Variants in PDE7A observed in about 807,000 individuals in gnomAD.
PDE7A encodes phosphodiesterase 7A.
A neutral mutation model predicts 64.3 loss-of-function variants in PDE7A; 39 were observed. The ratio of observed to expected loss-of-function variants is 0.61; its 90% confidence interval spans 0.47 to 0.79. The LOEUF is 0.79. Ranked by LOEUF, PDE7A falls within the 30% of genes least tolerant of loss-of-function variation. PDE7A has a pLI of 0.00. For missense variants in PDE7A, 470 were observed against 582.8 expected (o/e 0.81, Z 1.99); for synonymous variants, 203 against 206.8 (o/e 0.98, Z 0.16).
In PDE7A at chr8:65,798,208, T is replaced by A. The variant is rs528578385; in HGVS notation, c.139-15365A>T. Among the ~76,000 whole-genome samples the A allele has an allele frequency of 2.7e-3, 286 of 106,466 alleles. 1 individual carries two copies. The highest frequency in any genetic ancestry group is 4.6e-3 in the Middle Eastern group (1 of 218). 69.8% of individuals were successfully genotyped at this position (106,466 alleles called of 152,430 possible). A position where few individuals can be genotyped will look rare whatever the true frequency, so the allele number is the denominator to read the frequency against. On this transcript the variant is annotated intron_variant, in intron 1 of 12. Transcript: ENST00000401827. ...TATATATATATATATATATATATAT[T>A]TTTTTTTTTTTGAGATGGAGTCTCG...
chr8:65,818,614 G>A (rs1810470069), intron 1 of PDE7A, among the ~76,000 whole-genome samples: 1 of 152,274 alleles, frequency 6.6e-6, no homozygotes, highest in Non-Finnish European at 1.5e-5. Flanking sequence ...TCAAAGTTCA[G>A]CCTGTTTTCA....
rs186543460 is a variant in PDE7A at position 65,761,015 on chromosome 8, C to A, written c.284-13212G>T. 8.3e-4 allele frequency among the ~76,000 whole-genome samples: 126 copies of A among 152,220 alleles called. 1 individual carries two copies. The highest frequency in any genetic ancestry group is 2.9e-3 in the Admixed American group (45 of 15,302). On this transcript the variant is annotated intron_variant, in intron 3 of 12. Transcript: ENST00000401827. The stretch of plus-strand genomic sequence containing the variant: ...CCGAACAATTACTAAAAAGCTCACC[C>A]TCTGGCTGTATTACACAATATCTGA...
At chr8:65,732,593 C>G (rs1806947106) in intron 7 of PDE7A, among the ~76,000 whole-genome samples, 1 of 152,144 alleles carries the variant, frequency 6.6e-6, no homozygotes, top group African/African-American at 2.4e-5. Flanking sequence ...TCACTACTCT[C>G]TGCTGGACCT....
chr8:65,739,837 G>C (rs1257346568), intron 5 of PDE7A, among the ~76,000 whole-genome samples: 1 of 152,040 alleles, frequency 6.6e-6, no homozygotes, highest in Non-Finnish European at 1.5e-5. Context: ...CTGAAAACTA[G>C]ACATTTTCAA....
At position 65,716,263 on chromosome 8, in the gene PDE7A, G is replaced by C. The variant is rs931752835; in HGVS notation, c.*3027C>G. On this transcript the variant is annotated 3_prime_UTR_variant, in exon 13 of 13. Transcript: ENST00000401827. ...GCAGGAAATGGGAGCCACACCCACA[G>C]TTCCCCTGAGAATGTGGAAATAGGA... Among the ~76,000 whole-genome samples the C allele has an allele frequency of 6.6e-6, 1 of 152,044 alleles. No individual in the cohort carries two copies. Among genetic ancestry groups the C allele is most frequent in the African/African-American group, 2.4e-5 (1 of 41,398 alleles).
At chr8:65,751,896 A>C (rs769253338) in intron 3 of PDE7A, among the ~76,000 whole-genome samples, 1 of 152,126 alleles carries the variant, frequency 6.6e-6, no homozygotes, top group Non-Finnish European at 1.5e-5. Context: ...CTTGCTTTTT[A>C]ATTTATTGTG....
intron 3 of PDE7A, among the ~76,000 whole-genome samples, chr8:65,770,121 CTG>C (rs10608556): frequency 0.1 from 14,805 of 146,274 alleles, 788 homozygotes; most frequent in Middle Eastern, 0.14. Flanking sequence ...CAGTATACTT[CTG>C]TGTGTGTGTG....
At chr8:65,750,192 C>G (rs989884316) in intron 3 of PDE7A, among the ~76,000 whole-genome samples, 3 of 152,142 alleles carry the variant, frequency 2.0e-5, no homozygotes. Context: ...CTCCATTTTA[C>G]AAATATATCC....
At chr8:65,727,898 CAATCTTGCACACCAGA>C (rs1806675996) in intron 7 of PDE7A, 1 of 152,184 alleles carries the variant, frequency 6.6e-6, no homozygotes, top group Admixed American at 6.5e-5. Flanking sequence ...TCAGGGAAAG[CAATCTTGCACACCAGA>C]AATTGTAACT....
At chr8:65,791,124 A>G (rs2128926008) in intron 1 of PDE7A, among the ~76,000 whole-genome samples, 1 of 152,378 alleles carries the variant, frequency 6.6e-6, no homozygotes, top group East Asian at 1.9e-4. Context: ...TTTTTGGTAC[A>G]ATACTTGAAA....
rs181316326 is a variant in PDE7A, at chr8:65,733,258, C to T, written c.696+1536G>A. 3.3e-5 allele frequency among the ~76,000 whole-genome samples: 5 copies of T among 152,302 alleles called. No individual in the cohort carries two copies. The East Asian group carries it at 9.7e-4, about 29-fold the overall frequency. On this transcript the variant is annotated intron_variant, in intron 7 of 12. Transcript: ENST00000401827. ...CTCACCTGGCATCACCCAGATTTCC[C>T]TGCCCCTGGCTTGGGTTGGGTGTGC...
At chr8:65,822,493 A>G (rs150269891) in intron 1 of PDE7A, among the ~76,000 whole-genome samples, 1 of 152,340 alleles carries the variant, frequency 6.6e-6, no homozygotes, top group African/African-American at 2.4e-5. Context: ...TTCACTTTCT[A>G]TATTTGCTAA....
chr8:65,726,073 G>A (rs1377470947), intron 9 of PDE7A, among the ~76,000 whole-genome samples: 1 of 152,126 alleles, frequency 6.6e-6, no homozygotes, highest in East Asian at 1.9e-4. Flanking sequence ...AATTATGAAA[G>A]GGAAACCAGA....
At chr8:65,745,531 A>G (rs1807635371) in intron 4 of PDE7A, 61 bp from the exon 5 acceptor site, 2 of 909,188 alleles carry the variant, frequency 2.2e-6, no homozygotes, top group Non-Finnish European at 3.6e-6. Flanking sequence ...TCTTTTGGAG[A>G]TATTCCATAG....
At chr8:65,749,625 TA>T (rs1429546897) in intron 3 of PDE7A, among the ~76,000 whole-genome samples, 1 of 152,218 alleles carries the variant, frequency 6.6e-6, no homozygotes, top group Non-Finnish European at 1.5e-5. Context: ...AAGTGCTTTG[TA>T]AAAAGAATCT....
chr8:65,730,171 C>CTTCTTTTTTTTTTTTTTTTTTTT (rs1295965698), intron 7 of PDE7A, among the ~76,000 whole-genome samples: 8 of 86,448 alleles, frequency 9.3e-5, no homozygotes, highest in African/African-American at 2.9e-4. Flanking sequence ...TTGCGCACTT[C>CTTCTTTTTTTTTTTTTTTTTTTT]TTTTTTTTTT....
At position 65,724,831 on chromosome 8, in the gene PDE7A, C is replaced by T. The variant is rs149348453; in HGVS notation, c.1011G>A (p.Leu337=). 44 of 1,612,340 alleles carry T rather than the reference C, an allele frequency of 2.7e-5. No homozygotes were observed. The East Asian group carries it at 9.6e-4, about 35-fold the overall frequency. The change falls in exon 10 of 13, where the codon TTG becomes TTA. Residue 337 remains leucine, a synonymous_variant. Coordinates refer to ENST00000401827, the MANE Select transcript of PDE7A (RefSeq NM_001242318.3). ...NEYLSLFRSH[L]DRGDLCLEDT... is the part of the protein sequence containing the mutation. ...CTTCTAGGCATAAATCACCTCTATC[C>T]AAATGGGACCTAAACAAAGACAGAT... is the stretch of plus-strand genomic sequence containing the variant.
chr8:65,735,092 T>C (rs1213807819), intron 6 of PDE7A, among the ~76,000 whole-genome samples, 198 bp from the exon 7 acceptor site: 2 of 152,162 alleles, frequency 1.3e-5, no homozygotes, highest in African/African-American at 4.8e-5. Flanking sequence ...CTCTCTATGC[T>C]ATCATGGACG....
chr8:65,768,892 T>A (rs1808932846), intron 3 of PDE7A, among the ~76,000 whole-genome samples: 1 of 152,110 alleles, frequency 6.6e-6, no homozygotes, highest in African/African-American at 2.4e-5. Context: ...ATCAGAAAAC[T>A]TCTTTAGTGA....
Sources: gnomAD v4.1 joint callset for allele counts (sites outside exome capture counted in the v4.1 genomes callset) on GRCh38, gnomAD v4.1.1 for gene constraint, MANE v1.5 for transcripts, NCBI Gene and HGNC (gene_info 2026-07-23, HGNC 2026-07-21) for gene names.